The following COL4A4 variants were observed in gnomAD, a reference collection of about 807,000 sequenced individuals.
COL4A4 encodes collagen alpha-4(IV) chain.
COL4A4 carries 105 observed loss-of-function variants against 192.9 expected under a neutral mutation model. The observed-to-expected ratio is 0.54, with a 90% CI of 0.46 to 0.64. The LOEUF is 0.64. Among genes scored for constraint, COL4A4 ranks in the 30% least tolerant of loss-of-function variants. The probability of loss-of-function intolerance (pLI) is 0.00; values close to 1 mark genes in which losing one functional copy is unlikely to be tolerated. For synonymous variants in COL4A4, 762 were observed against 769.9 expected, an observed-to-expected ratio of 0.99 and a Z score of 0.17; for missense variants, 1,967 against 2,169.3, an observed-to-expected ratio of 0.91 and a Z score of 1.85.
At chr2:227,001,922 C>A (rs981416499), downstream of COL4A4, among the ~76,000 whole-genome samples, 9 of 152,108 alleles carry the variant, frequency 5.9e-5, no homozygotes, top group African/African-American at 2.2e-4. Context: ...CCTGTAATCC[C>A]AATGCTTTGG....
chr2:227,021,261 A>G (rs1323882138), intron 44 of COL4A4, among the ~76,000 whole-genome samples: 2 of 152,160 alleles, frequency 1.3e-5, no homozygotes, highest in African/African-American at 4.8e-5. Context: ...TTACTGAACA[A>G]TGCTCCAGTG....
the COL4A4 span, among the ~76,000 whole-genome samples, chr2:226,980,169 G>A: frequency 6.6e-6 from 1 of 152,130 alleles, no homozygotes; most frequent in African/African-American, 2.4e-5. Context: ...TTGGTCCTCA[G>A]AACACACCCA....
intron 22 of COL4A4, among the ~76,000 whole-genome samples, chr2:227,084,974 A>G (rs1340207181): frequency 6.6e-6 from 1 of 152,120 alleles, no homozygotes; most frequent in Non-Finnish European, 1.5e-5. Flanking sequence ...TCTACTAAAA[A>G]TACAAAATTA....
chr2:227,095,551 T>C (rs889365057), intron 19 of COL4A4, among the ~76,000 whole-genome samples: 4 of 152,226 alleles, frequency 2.6e-5, no homozygotes, highest in African/African-American at 7.2e-5. Flanking sequence ...CAGGAAATCC[T>C]GCTTCCCCTT....
intron 5 of COL4A4, 199 bp downstream of exon 5, chr2:227,120,815 T>G (rs1293127004): frequency 1.6e-6 from 1 of 616,534 alleles, no homozygotes; most frequent in South Asian, 1.9e-5. Flanking sequence ...GGTATGTGCC[T>G]GTAATCCCAG....
At chr2:227,103,658 A>G (rs1052483439) in intron 13 of COL4A4, among the ~76,000 whole-genome samples, 1 of 152,174 alleles carries the variant, frequency 6.6e-6, no homozygotes, top group African/African-American at 2.4e-5. Flanking sequence ...TGTAACATCT[A>G]AAGGACAACT....
At chr2:227,121,625 G>C (rs2125046231) in intron 4 of COL4A4, among the ~76,000 whole-genome samples, 1 of 151,028 alleles carries the variant, frequency 6.6e-6, no homozygotes, top group East Asian at 1.9e-4. Flanking sequence ...GAAATGAAAG[G>C]AAAAACAAGA....
chr2:227,007,531 G>C lies in COL4A4; in HGVS notation c.4867C>G (p.Leu1623Val), dbSNP rs745928196. ...AATGGTGCTGCTCTGAAATCTTCCAGGCAGCTGCCAGGTGACATAAGGGCC... is the reference window on the plus strand; with the variant it reads ...AATGGTGCTGCTCTGAAATCTTCCACGCAGCTGCCAGGTGACATAAGGGCC... The part of the protein sequence containing the change: ...GQALMSPGSC[L>V]EDFRAAPFLE... The change falls in exon 48 of 48, where the codon CTG (leucine) becomes GTG (valine). Residue 1623 changes from leucine to valine, a missense_variant. By Grantham distance (32) the Leu-to-Val change is conservative. Coordinates refer to ENST00000396625, the MANE Select transcript of COL4A4 (RefSeq NM_000092.5). 2 of 1,613,576 alleles carry C rather than the reference G, an allele frequency of 1.2e-6. No individual in the cohort carries two copies. Among genetic ancestry groups the C allele is most frequent in the Non-Finnish European group, 8.5e-7 (1 of 1,180,030 alleles).
intron 14 of COL4A4, 125 bp from the exon 15 acceptor site, chr2:227,102,973 G>A: frequency 8.6e-7 from 1 of 1,168,630 alleles, no homozygotes; most frequent in Admixed American, 1.8e-5. Flanking sequence ...GCAGCTTAAA[G>A]AAAACAACTA....
the COL4A4 span, chr2:226,988,202 AC>A: frequency 3.1e-5 from 24 of 775,684 alleles, no homozygotes; most frequent in Admixed American, 6.3e-5. Context: ...ATTAAAACTT[AC>A]CCAAAGACAG....
intron 37 of COL4A4, among the ~76,000 whole-genome samples, chr2:227,041,846 A>AAGAAAGAAAGAGAGAG (rs1559478097): frequency 5.1e-5 from 2 of 39,302 alleles, no homozygotes; most frequent in African/African-American, 1.4e-4. Context: ...GAAAGAAAGA[A>AAGAAAGAAAGAGAGAG]AGAGAAAGAA....
chr2:226,985,823 T>C, the COL4A4 span, among the ~76,000 whole-genome samples: 1 of 152,248 alleles, frequency 6.6e-6, no homozygotes. Flanking sequence ...ATCCTACTCA[T>C]GCCCAAGAGT....
In COL4A4 at chr2:227,017,694, A is replaced by G. The variant is rs79065564; in HGVS notation, c.4216+4354T>C. ...CTTCGTGTGGCTGTCATCCACCCAT[A>G]TTGGGCAGGAAAGAGCCAGAAGTTT... On this transcript the variant is annotated intron_variant, in intron 44 of 47. Coordinates refer to ENST00000396625, the MANE Select transcript of COL4A4 (RefSeq NM_000092.5). 3.9e-4 allele frequency among the ~76,000 whole-genome samples: 60 copies of G among 152,298 alleles called. No homozygotes were observed. The East Asian group carries it at 9.8e-3, about 25-fold the overall frequency.
At chr2:227,150,724 A>G (rs747044719) in intron 1 of COL4A4, among the ~76,000 whole-genome samples, 5 of 152,128 alleles carry the variant, frequency 3.3e-5, no homozygotes, top group Non-Finnish European at 7.3e-5. Context: ...GCAAAGGGGG[A>G]AGCCCCTTAT....
chr2:226,983,979 TC>T, the COL4A4 span, among the ~76,000 whole-genome samples: 1 of 152,326 alleles, frequency 6.6e-6, no homozygotes, highest in Non-Finnish European at 1.5e-5. Context: ...GGAGGAACTG[TC>T]CCTGCTCGTA....
At chr2:227,108,689 G>C in intron 11 of COL4A4, 67 bp from the exon 12 acceptor site, 1 of 1,572,988 alleles carries the variant, frequency 6.4e-7, no homozygotes, top group Non-Finnish European at 8.8e-7. Context: ...AAGCAATTAA[G>C]ACTTCTGGCT....
intron 3 of COL4A4, 142 bp downstream of exon 3, chr2:227,144,374 T>C: frequency 1.4e-6 from 1 of 696,406 alleles, no homozygotes. Flanking sequence ...AAAGAAATCT[T>C]AGAGTTTATT....
At chr2:226,999,787 A>G (rs1960473091), downstream of COL4A4, among the ~76,000 whole-genome samples, 1 of 152,206 alleles carries the variant, frequency 6.6e-6, no homozygotes, top group African/African-American at 2.4e-5. Context: ...GCAAAACCCT[A>G]GAAACAACAC....
chr2:227,066,591 C>T (rs1202784868), intron 25 of COL4A4, among the ~76,000 whole-genome samples: 1 of 151,462 alleles, frequency 6.6e-6, no homozygotes, highest in Non-Finnish European at 1.5e-5. Flanking sequence ...AATTTTCAAC[C>T]CAGAATTTCA....
Sources: gnomAD v4.1 joint callset for allele counts (sites outside exome capture counted in the v4.1 genomes callset) on GRCh38, gnomAD v4.1.1 for gene constraint, MANE v1.5 for transcripts, NCBI Gene and HGNC (gene_info 2026-07-23, HGNC 2026-07-21) for gene names.